Variants in CREM observed in about 807,000 individuals in gnomAD.
CREM encodes the protein cAMP-responsive element modulator.
Under a neutral mutation model 37.3 loss-of-function variants are expected in CREM, and 13 were observed. That is an observed-to-expected ratio of 0.35 (90% confidence interval 0.23 to 0.55). CREM has a LOEUF of 0.55. Among genes scored for constraint, CREM ranks in the 20% least tolerant of loss-of-function variants. CREM has a pLI of 0.88. For synonymous variants in CREM, 124 were observed against 120.2 expected (o/e 1.03, Z -0.21); for missense variants, 296 against 362.3 (o/e 0.82, Z 1.49).
chr10:35,126,999 C>G lies in CREM; in HGVS notation c.-249C>G, dbSNP rs1564766307. On this transcript the variant is annotated 5_prime_UTR_variant, in exon 1 of 8. Transcript: ENST00000685392. ...GGACGCGGTTCGGTCGGCTGCAGCGCTACTTTTGGTCCGGGGTCGGCAGGG... is the reference window on the plus strand; with the variant it reads ...GGACGCGGTTCGGTCGGCTGCAGCGGTACTTTTGGTCCGGGGTCGGCAGGG... 1 of 152,538 alleles carries G rather than the reference C, an allele frequency of 6.6e-6. No individual in the cohort carries two copies. Among genetic ancestry groups the G allele is most frequent in the Non-Finnish European group, 1.5e-5 (1 of 68,288 alleles). The allele number at this position is 152,538 out of a possible 1,614,324, so 9.4% of individuals were successfully genotyped here.
chr10:35,201,384 A>G (rs1394502685), intron 6 of CREM: 4 of 1,533,172 alleles, frequency 2.6e-6, no homozygotes, highest in Admixed American at 2.0e-5. Context: ...ACTGTGCTAG[A>G]CACTTTGACA....
At chr10:35,192,383 C>T (rs1380693092) in intron 6 of CREM, among the ~76,000 whole-genome samples, 4 of 152,186 alleles carry the variant, frequency 2.6e-5, no homozygotes, top group African/African-American at 7.2e-5. Flanking sequence ...GAGTCTCACT[C>T]TCTTGGCCAG....
chr10:35,160,433 C>G (rs35550382), intron 3 of CREM, among the ~76,000 whole-genome samples: 20,647 of 151,914 alleles, frequency 0.14, 1,593 homozygotes, highest in South Asian at 0.2. Flanking sequence ...GAATTTTGTT[C>G]TTTTGCCCAG....
chr10:35,167,212 T>C (rs888623195), intron 3 of CREM, among the ~76,000 whole-genome samples: 5 of 152,242 alleles, frequency 3.3e-5, no homozygotes, highest in East Asian at 1.9e-4. Context: ...AATATTCTTA[T>C]TATTTTCAGC....
intron 6 of CREM, among the ~76,000 whole-genome samples, chr10:35,205,974 C>T (rs1313450492): frequency 2.0e-5 from 3 of 150,978 alleles, no homozygotes; most frequent in Non-Finnish European, 4.4e-5. Flanking sequence ...AAAAGCCAGG[C>T]GCGATGGCTC....
chr10:35,206,680 C>T (rs945206129), intron 6 of CREM, among the ~76,000 whole-genome samples: 3 of 152,134 alleles, frequency 2.0e-5, no homozygotes, highest in African/African-American at 7.2e-5. Flanking sequence ...GCTTTTCTAC[C>T]TTAAGTGTTT....
At chr10:35,187,100 G>T (rs532393759) in intron 5 of CREM, among the ~76,000 whole-genome samples, 13,651 of 53,698 alleles carry the variant, frequency 0.25, 1,312 homozygotes, top group East Asian at 0.32. Flanking sequence ...TAATATATAT[G>T]ATATATATTA....
At chr10:35,148,629 G>C (rs746010683) in intron 3 of CREM, 138 bp downstream of exon 3, 231 of 955,142 alleles carry the variant, frequency 2.4e-4, no homozygotes, top group Non-Finnish European at 2.8e-4. Context: ...TGATTGTGAA[G>C]AAAAGATACG....
At chr10:35,141,257 T>C (rs1457489864) in intron 2 of CREM, among the ~76,000 whole-genome samples, 1 of 152,224 alleles carries the variant, frequency 6.6e-6, no homozygotes, top group Non-Finnish European at 1.5e-5. Context: ...GTTATAGTTA[T>C]GAGAATTAGA....
intron 5 of CREM, chr10:35,179,876 T>A (rs1197100484): frequency 6.6e-6 from 1 of 152,390 alleles, no homozygotes; most frequent in Non-Finnish European, 1.5e-5. Context: ...GACCGTTAAT[T>A]CTGTGCTTTT....
Position 35,211,922 on chromosome 10 carries a change from T to G in CREM, c.*524T>G. ...ATCATTCATCTTCTTCTTTAATCACTTAACATTCCTAAAATGCTTCACTGT... is the reference window on the plus strand; with the variant it reads ...ATCATTCATCTTCTTCTTTAATCACGTAACATTCCTAAAATGCTTCACTGT... On this transcript the variant is annotated 3_prime_UTR_variant, in exon 8 of 8. Coordinates refer to ENST00000685392, the MANE Select transcript of CREM (RefSeq NM_183011.2). The G allele has an allele frequency of 9.7e-7, 1 of 1,033,742 alleles. No homozygotes were observed. Among genetic ancestry groups the G allele is most frequent in the Non-Finnish European group, 1.3e-6 (1 of 754,970 alleles). 64.0% of individuals were successfully genotyped at this position (1,033,742 alleles called of 1,614,324 possible).
chr10:35,211,921 C>T lies in CREM; in HGVS notation c.*523C>T. On this transcript the variant is annotated 3_prime_UTR_variant, in exon 8 of 8. Coordinates refer to ENST00000685392, the MANE Select transcript of CREM (RefSeq NM_183011.2). ...TATCATTCATCTTCTTCTTTAATCA[C>T]TTAACATTCCTAAAATGCTTCACTG... 1 of 1,028,648 alleles carries T rather than the reference C, an allele frequency of 9.7e-7. No individual in the cohort carries two copies. The highest frequency in any genetic ancestry group is 2.4e-5 in the South Asian group (1 of 41,530). The allele number at this position is 1,028,648 out of a possible 1,614,324, so 63.7% of individuals were successfully genotyped here.
intron 3 of CREM, among the ~76,000 whole-genome samples, chr10:35,156,405 A>T (rs192581980): frequency 6.6e-6 from 1 of 152,038 alleles, no homozygotes; most frequent in South Asian, 2.1e-4. Flanking sequence ...GCATACTGCC[A>T]TGCCTGGCTA....
intron 6 of CREM, among the ~76,000 whole-genome samples, chr10:35,189,093 A>G (rs758536862): frequency 3.3e-5 from 5 of 152,142 alleles, no homozygotes; most frequent in Non-Finnish European, 5.9e-5. Context: ...TGATGCCCCA[A>G]ATTTGTTTTT....
intron 1 of CREM, among the ~76,000 whole-genome samples, chr10:35,133,204 G>T (rs560601495): frequency 6.6e-6 from 1 of 152,174 alleles, no homozygotes; most frequent in South Asian, 2.1e-4. Flanking sequence ...TGAAAGTGGA[G>T]TAAGAACTTA....
intron 2 of CREM, among the ~76,000 whole-genome samples, chr10:35,146,581 A>G (rs1218361200): frequency 1.3e-5 from 2 of 152,200 alleles, no homozygotes; most frequent in Non-Finnish European, 2.9e-5. Flanking sequence ...TTCATGTGTG[A>G]TGATGACCTA....
intron 1 of CREM, among the ~76,000 whole-genome samples, chr10:35,133,744 T>G (rs1338537284): frequency 1.3e-5 from 2 of 152,246 alleles, no homozygotes; most frequent in Admixed American, 1.3e-4. Flanking sequence ...TTAACAAAAT[T>G]ACAAAATTGC....
chr10:35,163,461 ATTGC>A (rs947806448), intron 3 of CREM, among the ~76,000 whole-genome samples: 4 of 152,062 alleles, frequency 2.6e-5, no homozygotes, highest in African/African-American at 9.7e-5. Flanking sequence ...AGATGAGATG[ATTGC>A]TTGAGCACAG....
intron 7 of CREM, among the ~76,000 whole-genome samples, chr10:35,208,919 T>G (rs1478639415): frequency 1.3e-5 from 2 of 152,270 alleles, no homozygotes; most frequent in African/African-American, 4.8e-5. Context: ...GCTCATTATC[T>G]GTTTAGCAGA....
Sources: gnomAD v4.1 joint callset for allele counts (sites outside exome capture counted in the v4.1 genomes callset) on GRCh38, gnomAD v4.1.1 for gene constraint, MANE v1.5 for transcripts, NCBI Gene and HGNC (gene_info 2026-07-23, HGNC 2026-07-21) for gene names.